The following MRPL13 variants were observed in gnomAD, a reference collection of about 807,000 sequenced individuals.
MRPL13 encodes mitochondrial ribosomal protein L13.
In MRPL13, 33 loss-of-function variants were observed where a neutral mutation model predicts 29.0. The ratio of observed to expected loss-of-function variants is 1.14; its 90% CI spans 0.86 to 1.52. The LOEUF (loss-of-function observed/expected upper bound fraction) is 1.52. Ranked by LOEUF, MRPL13 falls within the 40% of genes most tolerant of loss-of-function variation. The probability of loss-of-function intolerance (pLI) is 0.00; values close to 1 mark genes in which losing one functional copy is unlikely to be tolerated. For synonymous variants in MRPL13, 77 were observed against 68.4 expected (o/e 1.13, Z -0.62); for missense variants, 227 against 216.7 (o/e 1.05, Z -0.30).
chr8:120,443,394 C>A (rs1377858909), intron 1 of MRPL13, 86 bp from the exon 2 acceptor site: 3 of 1,169,858 alleles, frequency 2.6e-6, no homozygotes, highest in Non-Finnish European at 3.4e-6. Flanking sequence ...AATTTATTAT[C>A]ATATATCATC....
intron 2 of MRPL13, among the ~76,000 whole-genome samples, chr8:120,432,529 A>G (rs368347427): frequency 5.1e-4 from 77 of 152,260 alleles, no homozygotes; most frequent in African/African-American, 1.7e-3. Context: ...TGAAAACAGT[A>G]TGTATATAGA....
Position 120,414,225 on chromosome 8 carries a change from G to A in MRPL13, c.394-113C>T. The A allele has an allele frequency of 1.1e-5, 9 of 833,968 alleles. No homozygotes were observed. The South Asian group carries it at 1.5e-4, about 14-fold the overall frequency. 51.7% of individuals were successfully genotyped at this position (833,968 alleles called of 1,614,324 possible). Reference sequence around the variant, plus strand: ...AAGCAAAAGAATGCTCGTAGAATAAGGAAAACATAAAATCTTTAAAATAAA... The same window carrying A: ...AAGCAAAAGAATGCTCGTAGAATAAAGAAAACATAAAATCTTTAAAATAAA... On this transcript the variant is annotated intron_variant, in intron 5 of 6. Transcript: ENST00000306185.
chr8:120,396,210 TA>T (rs1812522795), intron 6 of MRPL13, 85 bp from the exon 7 acceptor site: 1 of 1,043,656 alleles, frequency 9.6e-7, no homozygotes, highest in African/African-American at 1.6e-5. Flanking sequence ...CAATTTAAAA[TA>T]AAAATAACTG....
At chr8:120,413,738 C>T (rs1020214270) in intron 6 of MRPL13, among the ~76,000 whole-genome samples, 2 of 152,012 alleles carry the variant, frequency 1.3e-5, no homozygotes, top group African/African-American at 2.4e-5. Flanking sequence ...CTACCATCAG[C>T]CCAAACAAAA....
chr8:120,444,876 G>A (rs1813184664), intron 1 of MRPL13, 192 bp downstream of exon 1: 4 of 603,932 alleles, frequency 6.6e-6, no homozygotes, highest in South Asian at 5.6e-5. Context: ...GAAAAGAAGA[G>A]GGGACGAGTA....
intron 3 of MRPL13, among the ~76,000 whole-genome samples, chr8:120,429,940 C>T (rs1406527345): frequency 6.6e-6 from 1 of 152,110 alleles, no homozygotes; most frequent in African/African-American, 2.4e-5. Flanking sequence ...AACGTCTGTA[C>T]ATGTTCAGTA....
At chr8:120,443,533 T>C (rs1563779150) in intron 1 of MRPL13, among the ~76,000 whole-genome samples, 1 of 152,118 alleles carries the variant, frequency 6.6e-6, no homozygotes, top group Non-Finnish European at 1.5e-5. Flanking sequence ...AACACAGTAA[T>C]TATTCCTTCC....
chr8:120,433,223 C>A (rs191695560), intron 2 of MRPL13, among the ~76,000 whole-genome samples: 1 of 152,018 alleles, frequency 6.6e-6, no homozygotes, highest in East Asian at 1.9e-4. Context: ...AAAGTGACAC[C>A]CTGTTGGCTA....
intron 6 of MRPL13, among the ~76,000 whole-genome samples, chr8:120,410,295 TAAAC>T (rs1812725913): frequency 6.6e-6 from 1 of 152,202 alleles, no homozygotes; most frequent in African/African-American, 2.4e-5. Flanking sequence ...AGATTTATCT[TAAAC>T]AAATTCCAGT....
At chr8:120,406,703 G>C (rs912864279) in intron 6 of MRPL13, among the ~76,000 whole-genome samples, 1 of 151,592 alleles carries the variant, frequency 6.6e-6, no homozygotes, top group Non-Finnish European at 1.5e-5. Context: ...TGAAGTGAAA[G>C]ACGAAAGTTT....
intron 6 of MRPL13, among the ~76,000 whole-genome samples, chr8:120,399,056 T>C (rs1362766726): frequency 1.3e-5 from 2 of 151,868 alleles, no homozygotes; most frequent in South Asian, 2.1e-4. Context: ...CAGAACCAAG[T>C]TGGAAAACAT....
chr8:120,443,440 A>C (rs1256342735), intron 1 of MRPL13, 132 bp from the exon 2 acceptor site: 2 of 953,052 alleles, frequency 2.1e-6, no homozygotes, highest in African/African-American at 1.7e-5. Flanking sequence ...TTTCTTTGAA[A>C]AATAACTCTA....
At chr8:120,408,863 T>G (rs1037973335) in intron 6 of MRPL13, among the ~76,000 whole-genome samples, 1 of 152,230 alleles carries the variant, frequency 6.6e-6, no homozygotes, top group African/African-American at 2.4e-5. Context: ...AAATCCGTGC[T>G]CTCTTCTAGA....
chr8:120,426,496 A>C (rs895242954), intron 3 of MRPL13, among the ~76,000 whole-genome samples: 1 of 152,110 alleles, frequency 6.6e-6, no homozygotes, highest in Non-Finnish European at 1.5e-5. Context: ...CTTTCTCTCC[A>C]TGGAAAAAAA....
chr8:120,422,024 A>C (rs1313812198), intron 4 of MRPL13, among the ~76,000 whole-genome samples: 2 of 151,726 alleles, frequency 1.3e-5, no homozygotes, highest in East Asian at 3.9e-4. Flanking sequence ...TATGAAAAAA[A>C]AATTAAATAT....
chr8:120,414,037 C>T lies in MRPL13; in HGVS notation c.469G>A (p.Glu157Lys), dbSNP rs1342509556. The change falls in exon 6 of 7, where the codon GAG becomes AAG. Residue 157 changes from glutamate to lysine, a missense_variant. By Grantham distance (56) the Glu-to-Lys change is moderately conservative. Transcript: ENST00000306185. ...GCGTCTATTTCTTCTTGTGTGTACT[C>T]ATCTAGACGTTTAGGTATTTTTCGT... ...QPRKIPKRLD[E>K]YTQEEIDAFP... 1 of 1,600,920 alleles carries T rather than the reference C, an allele frequency of 6.2e-7. No homozygotes were observed.
intron 5 of MRPL13, chr8:120,416,216 C>T (rs13278395): frequency 0.53 from 80,502 of 152,086 alleles, 24,593 homozygotes; most frequent in Non-Finnish European, 0.67. Flanking sequence ...TCTCTTTGGC[C>T]GGGCACGGTG....
chr8:120,431,539 T>G (rs572402311), intron 3 of MRPL13, among the ~76,000 whole-genome samples: 139 of 152,284 alleles, frequency 9.1e-4, no homozygotes, highest in African/African-American at 3.2e-3. Flanking sequence ...AAAAGTTCTA[T>G]TGCAACAGAA....
At chr8:120,421,397 A>G (rs929925042) in intron 4 of MRPL13, among the ~76,000 whole-genome samples, 32 of 151,948 alleles carry the variant, frequency 2.1e-4, no homozygotes, top group African/African-American at 7.2e-4. Context: ...ACTATTAAAT[A>G]TTAATTAAGA....
Sources: allele counts gnomAD v4.1 joint callset (sites outside exome capture counted in the v4.1 genomes callset), GRCh38; gene constraint gnomAD v4.1.1; transcripts MANE v1.5; gene names NCBI Gene and HGNC (gene_info 2026-07-23, HGNC 2026-07-21).